The following ADK variants were observed in gnomAD, a reference collection of about 807,000 sequenced individuals.
ADK encodes adenosine kinase, also known as N6,N6-dimethyladenosine kinase.
ADK carries 24 observed loss-of-function variants against 44.7 expected under a neutral mutation model. The observed-to-expected ratio is 0.54, with a 90% confidence interval of 0.39 to 0.76. The LOEUF is 0.76. ADK is among the 30% of genes least tolerant of loss of function. The pLI is 0.00. For synonymous variants in ADK, 128 were observed against 142.6 expected (o/e 0.90, Z 0.73); for missense variants, 321 against 425.1 (o/e 0.76, Z 2.15).
intron 9 of ADK, among the ~76,000 whole-genome samples, chr10:74,662,322 G>T (rs1173848512): frequency 6.6e-6 from 1 of 152,100 alleles, no homozygotes; most frequent in South Asian, 2.1e-4. Flanking sequence ...GCTCTGTCAT[G>T]CAGGCTGGAG....
In ADK at chr10:74,183,678, T is replaced by A. The variant is rs184281468; in HGVS notation, c.66-17086T>A. On this transcript the variant is annotated intron_variant, in intron 1 of 10. Coordinates refer to ENST00000539909, the MANE Select transcript of ADK (RefSeq NM_006721.4). Reference sequence around the variant, plus strand: ...AGCGTGTGCCACCACACCTGGCTGATTTTGCATTTTTAGTAGAGATGGGGT... The same window carrying A: ...AGCGTGTGCCACCACACCTGGCTGAATTTGCATTTTTAGTAGAGATGGGGT... Among the ~76,000 whole-genome samples the A allele has an allele frequency of 3.4e-3, 517 of 151,436 alleles. 1 individual carries two copies. The highest frequency in any genetic ancestry group is 0.012 in the African/African-American group (478 of 41,246).
chr10:74,487,485 A>G (rs1847306252), intron 6 of ADK, among the ~76,000 whole-genome samples: 1 of 151,802 alleles, frequency 6.6e-6, no homozygotes, highest in South Asian at 2.1e-4. Flanking sequence ...GCACTTTAAA[A>G]TTGAGATGAG....
At chr10:74,379,074 G>A (rs1271055091) in intron 4 of ADK, among the ~76,000 whole-genome samples, 1 of 152,124 alleles carries the variant, frequency 6.6e-6, no homozygotes, top group East Asian at 1.9e-4. Flanking sequence ...AACCTGTAGG[G>A]CCTCATAGAC....
chr10:74,351,769 A>G (rs1303194792), intron 4 of ADK, among the ~76,000 whole-genome samples: 1 of 152,180 alleles, frequency 6.6e-6, no homozygotes, highest in East Asian at 1.9e-4. Flanking sequence ...CTATACATCA[A>G]TAATAGACAA....
chr10:74,579,036 C>G (rs750757645), intron 7 of ADK, among the ~76,000 whole-genome samples: 1 of 152,056 alleles, frequency 6.6e-6, no homozygotes, highest in African/African-American at 2.4e-5. Context: ...GAGTTCAAGA[C>G]CAGCCTGGCC....
chr10:74,446,138 T>G (rs1297983503), intron 6 of ADK, among the ~76,000 whole-genome samples: 1 of 152,126 alleles, frequency 6.6e-6, no homozygotes, highest in Non-Finnish European at 1.5e-5. Flanking sequence ...TAATTTTTTC[T>G]TTCATACTGA....
At chr10:74,321,408 T>C (rs893791373) in intron 4 of ADK, among the ~76,000 whole-genome samples, 7 of 152,064 alleles carry the variant, frequency 4.6e-5, no homozygotes, top group African/African-American at 1.7e-4. Context: ...CTCAGCCTCC[T>C]GAGTAGTTGG....
Position 74,598,440 on chromosome 10 carries a change from C to CTTTTTT in ADK, c.763-1939_763-1938insTTTTTT, listed in dbSNP as rs367982701. The stretch of plus-strand genomic sequence containing the variant: ...TAGAAAGCAACCATGGAATCTTATT[C>CTTTTTT]CTTTTTTTTTTTTTTTTTTTTTTTT... On this transcript the variant is annotated intron_variant, in intron 8 of 10. Transcript: ENST00000539909. Among the ~76,000 whole-genome samples, 130 of 114,028 alleles carry CTTTTTT rather than the reference C, an allele frequency of 1.1e-3. 18 individuals are homozygous for CTTTTTT. The highest frequency in any genetic ancestry group is 6.2e-3 in the East Asian group (17 of 2,740). 74.8% of individuals were successfully genotyped at this position (114,028 alleles called of 152,430 possible).
At chr10:74,491,948 G>GT (rs1363731967) in intron 6 of ADK, among the ~76,000 whole-genome samples, 7 of 150,628 alleles carry the variant, frequency 4.6e-5, no homozygotes, top group African/African-American at 1.5e-4. Context: ...AGTTGTTTTA[G>GT]TTTTTTTAAT....
chr10:74,530,886 C>T (rs1849262982), intron 7 of ADK, among the ~76,000 whole-genome samples: 1 of 152,108 alleles, frequency 6.6e-6, no homozygotes, highest in African/African-American at 2.4e-5. Context: ...AATTGCACCA[C>T]TGCACTCCAG....
intron 6 of ADK, among the ~76,000 whole-genome samples, chr10:74,404,177 GT>G (rs34848917): frequency 0.65 from 94,439 of 144,664 alleles, 31,456 homozygotes; most frequent in Middle Eastern, 0.8. Flanking sequence ...CAGCCTAATT[GT>G]TTTTTTTTTT....
chr10:74,371,268 G>A (rs1235815296), intron 4 of ADK, among the ~76,000 whole-genome samples: 2 of 152,306 alleles, frequency 1.3e-5, no homozygotes, highest in East Asian at 3.9e-4. Context: ...ACAATGATTT[G>A]TGGTAATGGT....
Position 74,708,379 on chromosome 10 carries a change from C to A in ADK, c.1023C>A (p.His341Gln). 6.2e-7 allele frequency: 1 copy of A among 1,612,932 alleles called. No individual in the cohort carries two copies. ...TGACTGAATGTATCCGTGCTGGCCA[C>A]TATGCAGCAAGCATCATAATTAGAC... ...KPLTECIRAG[H>Q]YAASIIIRRT... is the part of the protein sequence containing the mutation. The change falls in exon 11 of 11, where the codon CAC (histidine) becomes CAA (glutamine). Residue 341 changes from histidine to glutamine, a missense_variant. Coordinates refer to ENST00000539909, the MANE Select transcript of ADK (RefSeq NM_006721.4).
chr10:74,451,453 G>A (rs1044258054), intron 6 of ADK, among the ~76,000 whole-genome samples: 4 of 152,158 alleles, frequency 2.6e-5, no homozygotes, highest in South Asian at 2.1e-4. Flanking sequence ...CTGGTAGCCC[G>A]TATTAAATGA....
chr10:74,165,453 A>G (rs575259537), intron 1 of ADK, among the ~76,000 whole-genome samples: 5 of 151,910 alleles, frequency 3.3e-5, no homozygotes, highest in African/African-American at 1.2e-4. Context: ...TGAAGCATCA[A>G]TTTCCTGGGG....
intron 7 of ADK, among the ~76,000 whole-genome samples, chr10:74,578,942 C>T (rs561609454): frequency 1.0e-3 from 159 of 152,172 alleles, no homozygotes; most frequent in African/African-American, 3.7e-3. Flanking sequence ...CATATTTTTA[C>T]ATGTACATGT....
chr10:74,200,243 G>A (rs1843326162), intron 1 of ADK, among the ~76,000 whole-genome samples: 1 of 143,846 alleles, frequency 7.0e-6, no homozygotes, highest in Non-Finnish European at 1.5e-5. Context: ...CAGCATTTTG[G>A]GAGGCTAAGG....
In ADK at chr10:74,394,273, C is replaced by G. The variant is rs536543659; in HGVS notation, c.406C>G (p.Pro136Ala). The stretch of plus-strand genomic sequence containing the variant: ...TCATTACTACGAGCAGAATGAGCAG[C>G]CAACAGGAACTTGTGCTGCATGCAT... ...DAHYYEQNEQ[P>A]TGTCAACITG... The change falls in exon 5 of 11, where the codon CCA becomes GCA. Residue 136 changes from proline to alanine, a missense_variant. Pro to Ala is a conservative substitution (Grantham distance 27). Transcript: ENST00000539909. 1.6e-5 allele frequency: 26 copies of G among 1,613,962 alleles called. No individual in the cohort carries two copies. The highest frequency in any genetic ancestry group is 2.1e-5 in the Non-Finnish European group (25 of 1,179,932).
At chr10:74,645,178 G>A (rs1230992321) in intron 9 of ADK, among the ~76,000 whole-genome samples, 1 of 152,110 alleles carries the variant, frequency 6.6e-6, no homozygotes, top group African/African-American at 2.4e-5. Context: ...CAAGGCAAAT[G>A]TACTGTCTTT....
Sources: gnomAD v4.1 joint callset for allele counts (sites outside exome capture counted in the v4.1 genomes callset) on GRCh38, gnomAD v4.1.1 for gene constraint, MANE v1.5 for transcripts, NCBI Gene and HGNC (gene_info 2026-07-23, HGNC 2026-07-21) for gene names.